The following TIGAR variants were observed in gnomAD, a reference collection of about 807,000 sequenced individuals.
The protein encoded by TIGAR is TP53 induced glycolysis regulatory phosphatase.
A neutral mutation model predicts 17.9 loss-of-function variants in TIGAR; 7 were observed. The ratio of observed to expected loss-of-function variants is 0.39; its 90% CI spans 0.22 to 0.73. The LOEUF (loss-of-function observed/expected upper bound fraction) is 0.73. Ranked by LOEUF, TIGAR falls within the 30% of genes least tolerant of loss-of-function variation. The probability of loss-of-function intolerance (pLI) is 0.42; values close to 1 mark genes in which losing one functional copy is unlikely to be tolerated. For missense variants in TIGAR, 258 were observed against 327.4 expected (o/e 0.79, Z 1.64); for synonymous variants, 94 against 108.6 (o/e 0.87, Z 0.84).
chr12:4,351,404 G>A (rs1328527862), intron 5 of TIGAR, 27 bp downstream of exon 5: 2 of 1,584,742 alleles, frequency 1.3e-6, no homozygotes, highest in Non-Finnish European at 1.7e-6. Flanking sequence ...ATGTCAGAAT[G>A]GTTGAATTAA....
chr12:4,345,664 A>C (rs1449303751), intron 3 of TIGAR, among the ~76,000 whole-genome samples: 1 of 152,236 alleles, frequency 6.6e-6, no homozygotes, highest in East Asian at 1.9e-4. Context: ...CCCTAGAAGA[A>C]AACCTAGGCA....
At chr12:4,326,452 G>A (rs1292671193) in intron 1 of TIGAR, among the ~76,000 whole-genome samples, 1 of 152,062 alleles carries the variant, frequency 6.6e-6, no homozygotes, top group Non-Finnish European at 1.5e-5. Context: ...ATTTATGAAA[G>A]CTTTTGGAAA....
rs369713521 is a variant in TIGAR, at chr12:4,331,330, C to T, written c.70+13C>T. Reference sequence around the variant, plus strand: ...AAAATAATCCAAGGTTGGTATAATCCGATTGTTATTTTAGCTCTCACCCTT... The same window carrying T: ...AAAATAATCCAAGGTTGGTATAATCTGATTGTTATTTTAGCTCTCACCCTT... On this transcript the variant is annotated intron_variant, in intron 2 of 5. Transcript: ENST00000179259. 157 of 1,606,262 alleles carry T rather than the reference C, an allele frequency of 9.8e-5. No homozygotes were observed. Among genetic ancestry groups the T allele is most frequent in the Admixed American group, 2.3e-4 (14 of 59,936 alleles).
intron 1 of TIGAR, 32 bp from the exon 2 acceptor site, chr12:4,331,248 C>T (rs1045325616): frequency 1.3e-6 from 2 of 1,583,636 alleles, no homozygotes; most frequent in Non-Finnish European, 1.7e-6. Context: ...TATAATTTGG[C>T]TAATAAGGTT....
Position 4,353,775 on chromosome 12 carries a change from A to C in TIGAR, c.*1084A>C, listed in dbSNP as rs1864864241. 6.6e-6 allele frequency: 1 copy of C among 150,768 alleles called. No individual in the cohort carries two copies. The highest frequency in any genetic ancestry group is 2.1e-4 in the East Asian group (1 of 4,804). The allele number at this position is 150,768 out of a possible 1,614,324, so 9.3% of individuals were successfully genotyped here. On this transcript the variant is annotated 3_prime_UTR_variant, in exon 6 of 6. Transcript: ENST00000179259. ...CTTGAACCCGGGAGGTGGAGGTTGC[A>C]GTGAGCCGAGATCGCACCACTTCAC...
intron 3 of TIGAR, among the ~76,000 whole-genome samples, chr12:4,347,798 T>C (rs1864797122): frequency 6.6e-6 from 1 of 152,122 alleles, no homozygotes; most frequent in South Asian, 2.1e-4. Flanking sequence ...TATAGATAAA[T>C]ATATGATAAT....
At chr12:4,337,696 G>C (rs1470294230) in intron 3 of TIGAR, among the ~76,000 whole-genome samples, 3 of 152,182 alleles carry the variant, frequency 2.0e-5, no homozygotes, top group Non-Finnish European at 4.4e-5. Flanking sequence ...TATTATGAGA[G>C]AGAGCAGGGA....
At chr12:4,346,719 C>T (rs180735366) in intron 3 of TIGAR, among the ~76,000 whole-genome samples, 14 of 151,798 alleles carry the variant, frequency 9.2e-5, no homozygotes, top group Admixed American at 5.9e-4. Context: ...CAAACCTGCA[C>T]GTCGTGCACA....
chr12:4,351,204 C>T (rs1565450947), intron 4 of TIGAR, 63 bp from the exon 5 acceptor site: 13 of 1,491,788 alleles, frequency 8.7e-6, no homozygotes, highest in Non-Finnish European at 1.2e-5. Context: ...TTGCCATAAA[C>T]ATAAACTTAA....
intron 2 of TIGAR, among the ~76,000 whole-genome samples, chr12:4,333,514 G>GGCT (rs1276632164): frequency 1.3e-5 from 2 of 152,012 alleles, no homozygotes; most frequent in African/African-American, 4.8e-5. Context: ...CTGTTGCCCA[G>GGCT]GCTGGAGTGC....
intron 1 of TIGAR, chr12:4,324,629 G>A: frequency 2.7e-6 from 4 of 1,475,294 alleles, no homozygotes; most frequent in South Asian, 2.4e-5. Context: ...TTGGCCTTGC[G>A]CAGGCGCTTC....
intron 3 of TIGAR, among the ~76,000 whole-genome samples, chr12:4,347,857 T>C (rs983707125): frequency 7.2e-5 from 11 of 152,162 alleles, no homozygotes; most frequent in Middle Eastern, 3.2e-3. Context: ...AGAGTTTAGC[T>C]GGGCACAGTG....
chr12:4,325,067 G>A (rs565373985), intron 1 of TIGAR, among the ~76,000 whole-genome samples: 5 of 151,432 alleles, frequency 3.3e-5, no homozygotes, highest in South Asian at 2.1e-4. Context: ...TTCAGCCTCC[G>A]GAGTAGCTGG....
At chr12:4,323,953 A>AGAGTTAGATAATTTTGTTG (rs1236630560) in intron 1 of TIGAR, among the ~76,000 whole-genome samples, 1 of 152,234 alleles carries the variant, frequency 6.6e-6, no homozygotes, top group Non-Finnish European at 1.5e-5. Flanking sequence ...GACTTTTTGA[A>AGAGTTAGATAATTTTGTTG]GAGTTAGATA....
chr12:4,337,995 G>C (rs1864679101), intron 3 of TIGAR, among the ~76,000 whole-genome samples: 1 of 152,104 alleles, frequency 6.6e-6, no homozygotes, highest in African/African-American at 2.4e-5. Flanking sequence ...GCCAGGTGTG[G>C]TGGCGTGCAC....
rs1864867506 is a variant in TIGAR, at chr12:4,353,917, G to A, written c.*1226G>A. Reference sequence around the variant, plus strand: ...CACAGCTGTGGTTATTTTGTGGCAGGTACAGGTGAGGTTGCCTCTTCTTTC... The same window carrying A: ...CACAGCTGTGGTTATTTTGTGGCAGATACAGGTGAGGTTGCCTCTTCTTTC... On this transcript the variant is annotated 3_prime_UTR_variant, in exon 6 of 6. Coordinates refer to ENST00000179259, the MANE Select transcript of TIGAR (RefSeq NM_020375.3). 6.6e-6 allele frequency: 1 copy of A among 152,598 alleles called. No homozygotes were observed. 9.5% of individuals were successfully genotyped at this position (152,598 alleles called of 1,614,324 possible).
chr12:4,352,540 T>G lies in TIGAR; in HGVS notation c.662T>G (p.Leu221Arg), dbSNP rs776508887. ...TDLKCSLPAT[L>R]SRSELMSVTP... The stretch of plus-strand genomic sequence containing the variant: ...CTTAAGTGTTCCTTACCAGCCACTC[T>G]GAGCAGATCTGAACTTATGTCAGTC... The change falls in exon 6 of 6, where the codon CTG (leucine) becomes CGG (arginine). Residue 221 changes from leucine to arginine, a missense_variant. Coordinates refer to ENST00000179259, the MANE Select transcript of TIGAR (RefSeq NM_020375.3). The G allele has an allele frequency of 1.9e-6, 3 of 1,614,156 alleles. No individual in the cohort carries two copies. The highest frequency in any genetic ancestry group is 2.5e-6 in the Non-Finnish European group (3 of 1,180,042).
In TIGAR at chr12:4,359,107, G is replaced by T. The variant is rs201591502; in HGVS notation, c.*6416G>T. On this transcript the variant is annotated 3_prime_UTR_variant, in exon 6 of 6. Coordinates refer to ENST00000179259, the MANE Select transcript of TIGAR (RefSeq NM_020375.3). The stretch of plus-strand genomic sequence containing the variant: ...CCTTTATTGTTTATTTTCTGACTCT[G>T]TTTTTTTTTTCTTTAGCCAACTCAC... Among the ~76,000 whole-genome samples, 4 of 148,764 alleles carry T rather than the reference G, an allele frequency of 2.7e-5. No homozygotes were observed. Among genetic ancestry groups the T allele is most frequent in the Admixed American group, 6.7e-5 (1 of 14,962 alleles).
chr12:4,328,903 T>A (rs550505154), intron 1 of TIGAR, among the ~76,000 whole-genome samples: 1 of 152,254 alleles, frequency 6.6e-6, no homozygotes, highest in African/African-American at 2.4e-5. Context: ...TTCTTTATCA[T>A]ACGTTTATTT....
Sources: gnomAD v4.1 joint callset for allele counts (sites outside exome capture counted in the v4.1 genomes callset) on GRCh38, gnomAD v4.1.1 for gene constraint, MANE v1.5 for transcripts, NCBI Gene and HGNC (gene_info 2026-07-23, HGNC 2026-07-21) for gene names.